The following JAZF1 variants were observed in gnomAD, a reference collection of about 807,000 sequenced individuals.
The protein encoded by JAZF1 is JAZF zinc finger 1.
JAZF1 carries 8 observed loss-of-function variants against 26.4 expected under a neutral mutation model. That is an observed-to-expected ratio of 0.30 (90% CI 0.18 to 0.55). JAZF1 has a LOEUF of 0.55. Ranked by LOEUF, JAZF1 falls within the 20% of genes least tolerant of loss-of-function variation. The pLI is 0.94. For synonymous variants in JAZF1, 126 were observed against 122.3 expected (o/e 1.03, Z -0.20); for missense variants, 199 against 322.0 (o/e 0.62, Z 2.92).
At chr7:27,887,820 C>T (rs1372590915) in intron 3 of JAZF1, among the ~76,000 whole-genome samples, 2 of 152,044 alleles carry the variant, frequency 1.3e-5, no homozygotes, top group Non-Finnish European at 2.9e-5. Context: ...TCCTTGTTGC[C>T]ATCCTCACTC....
At chr7:27,853,411 A>G (rs1783187408) in intron 3 of JAZF1, among the ~76,000 whole-genome samples, 1 of 151,956 alleles carries the variant, frequency 6.6e-6, no homozygotes, top group Non-Finnish European at 1.5e-5. Context: ...TGTGCACGTG[A>G]GGTTCACTGG....
intron 1 of JAZF1, among the ~76,000 whole-genome samples, chr7:28,167,346 C>T (rs930318314): frequency 3.9e-5 from 6 of 152,162 alleles, no homozygotes; most frequent in Admixed American, 3.9e-4. Flanking sequence ...TAGGTGGTGT[C>T]TCACAAAACA....
At chr7:27,981,640 A>G (rs1026776579) in intron 2 of JAZF1, among the ~76,000 whole-genome samples, 2 of 152,224 alleles carry the variant, frequency 1.3e-5, no homozygotes, top group Non-Finnish European at 2.9e-5. Flanking sequence ...TTTTAGTAGC[A>G]GTGATACCTG....
intron 2 of JAZF1, among the ~76,000 whole-genome samples, chr7:27,988,192 GA>G (rs35744633): frequency 0.83 from 119,447 of 143,826 alleles, 49,715 homozygotes; most frequent in East Asian, 0.98. Flanking sequence ...AATAAATACT[GA>G]AAAAAAAAAA....
chr7:28,119,330 G>A (rs1379633435), intron 1 of JAZF1, among the ~76,000 whole-genome samples: 2 of 151,966 alleles, frequency 1.3e-5, no homozygotes, highest in Admixed American at 6.6e-5. Context: ...ATTAATACCC[G>A]CTGCCCCTCC....
chr7:28,003,655 T>A (rs56311485), intron 1 of JAZF1, among the ~76,000 whole-genome samples: 12,229 of 152,196 alleles, frequency 0.08, 644 homozygotes, highest in Non-Finnish European at 0.12. Context: ...GCAGATCTGT[T>A]CCCATTTGTT....
chr7:28,094,187 G>A (rs777325434), intron 1 of JAZF1, among the ~76,000 whole-genome samples: 3 of 152,128 alleles, frequency 2.0e-5, no homozygotes, highest in Non-Finnish European at 4.4e-5. Context: ...CGATCTGCTC[G>A]GAGGCAACAG....
Position 27,832,988 on chromosome 7 carries a change from A to G in JAZF1, c.556-12T>C. On this transcript the variant is annotated splice_polypyrimidine_tract_variant and intron_variant, in intron 4 of 4. Transcript: ENST00000283928. ...ATGCCATTCACATTCTGTGGAGAAG[A>G]CAAAAATATTTATTACATGGATTCA... 6.5e-7 allele frequency: 1 copy of G among 1,543,770 alleles called. No individual in the cohort carries two copies. The highest frequency in any genetic ancestry group is 8.8e-7 in the Non-Finnish European group (1 of 1,141,244).
chr7:27,993,868 A>G (rs1232070619), intron 1 of JAZF1, among the ~76,000 whole-genome samples: 1 of 152,196 alleles, frequency 6.6e-6, no homozygotes, highest in Non-Finnish European at 1.5e-5. Flanking sequence ...TTATTTTGAA[A>G]GAAAAGGGCA....
intron 2 of JAZF1, among the ~76,000 whole-genome samples, chr7:27,907,466 T>C (rs1057058813): frequency 2.0e-5 from 3 of 152,190 alleles, no homozygotes; most frequent in Admixed American, 6.5e-5. Context: ...ACCTATGCAG[T>C]CCACAGTTGG....
intron 2 of JAZF1, among the ~76,000 whole-genome samples, chr7:27,938,432 A>T (rs1040656483): frequency 6.6e-6 from 1 of 152,206 alleles, no homozygotes; most frequent in Non-Finnish European, 1.5e-5. Flanking sequence ...TCATCTATTG[A>T]CTAGCTCTTT....
chr7:27,984,801 A>T (rs1347985912), intron 2 of JAZF1, among the ~76,000 whole-genome samples: 3 of 152,210 alleles, frequency 2.0e-5, no homozygotes, highest in African/African-American at 7.2e-5. Flanking sequence ...TAAGAAACTC[A>T]CTCAAAACCA....
Position 28,109,595 on chromosome 7 carries a change from C to T in JAZF1, c.115+70868G>A, listed in dbSNP as rs112072141. On this transcript the variant is annotated intron_variant, in intron 1 of 4. Transcript: ENST00000283928. ...TTATACCATCTCAATCCATCCTCAA[C>T]ACTGTGAAATGGCTATTACTTAACT... 1.3e-3 allele frequency among the ~76,000 whole-genome samples: 200 copies of T among 152,308 alleles called. 1 individual carries two copies. The highest frequency in any genetic ancestry group is 2.4e-3 in the Non-Finnish European group (160 of 68,032).
At chr7:28,173,661 C>A (rs899074380) in intron 1 of JAZF1, among the ~76,000 whole-genome samples, 1 of 152,026 alleles carries the variant, frequency 6.6e-6, no homozygotes, top group Non-Finnish European at 1.5e-5. Flanking sequence ...TGTAGTCTGG[C>A]AGACAATGAA....
intron 2 of JAZF1, among the ~76,000 whole-genome samples, chr7:27,904,451 T>C (rs934810211): frequency 1.3e-5 from 2 of 152,228 alleles, no homozygotes; most frequent in Non-Finnish European, 2.9e-5. Context: ...CCTTCGTTAA[T>C]AGAATGGCCT....
At chr7:28,068,380 G>A (rs969801699) in intron 1 of JAZF1, among the ~76,000 whole-genome samples, 4 of 152,120 alleles carry the variant, frequency 2.6e-5, no homozygotes, top group African/African-American at 9.7e-5. Flanking sequence ...AGCTTCTCAT[G>A]CATGCATAAT....
intron 1 of JAZF1, among the ~76,000 whole-genome samples, chr7:28,143,308 ATTTAAC>A (rs1388858921): frequency 1.3e-5 from 2 of 152,088 alleles, no homozygotes; most frequent in Non-Finnish European, 2.9e-5. Flanking sequence ...GTTCCAGCAA[ATTTAAC>A]TTTGATTTTA....
chr7:27,841,143 CA>C (rs1203530260), intron 3 of JAZF1: 1 of 349,258 alleles, frequency 2.9e-6, no homozygotes, highest in East Asian at 5.1e-5. Context: ...GGTTCTATGG[CA>C]ACCCAGCCTG....
At chr7:28,021,332 C>T (rs537016727) in intron 1 of JAZF1, among the ~76,000 whole-genome samples, 16 of 152,284 alleles carry the variant, frequency 1.1e-4, no homozygotes, top group South Asian at 4.1e-4. Flanking sequence ...ACAGGATTTA[C>T]GCCCAGGCCC....
Sources: allele counts gnomAD v4.1 joint callset (sites outside exome capture counted in the v4.1 genomes callset), GRCh38; gene constraint gnomAD v4.1.1; transcripts MANE v1.5; gene names NCBI Gene and HGNC (gene_info 2026-07-23, HGNC 2026-07-21).